Variants in FTO observed in about 807,000 individuals in gnomAD.
FTO encodes the protein FTO alpha-ketoglutarate dependent dioxygenase.
Under a neutral mutation model 63.9 loss-of-function variants are expected in FTO, and 47 were observed. The ratio of observed to expected loss-of-function variants is 0.74; its 90% CI spans 0.58 to 0.94. The LOEUF is 0.94. Ranked by LOEUF, FTO falls within the 40% of genes least tolerant of loss-of-function variation. The pLI, the probability that FTO is intolerant of heterozygous loss-of-function variation, is 0.00. For missense variants in FTO, 562 were observed against 618.1 expected (o/e 0.91, Z 0.96); for synonymous variants, 207 against 224.4 (o/e 0.92, Z 0.69).
At chr16:53,727,926 G>A (rs2076187162) in intron 1 of FTO, among the ~76,000 whole-genome samples, 2 of 152,122 alleles carry the variant, frequency 1.3e-5, no homozygotes, top group African/African-American at 4.8e-5. Context: ...TTTACATCCA[G>A]TGTTAGCAGG....
intron 4 of FTO, among the ~76,000 whole-genome samples, chr16:53,858,807 C>T (rs987681349): frequency 5.9e-5 from 9 of 151,924 alleles, no homozygotes; most frequent in African/African-American, 2.2e-4. Flanking sequence ...ACTATAGGCT[C>T]GTGCCACCAC....
chr16:53,991,318 A>T (rs2083805586), intron 8 of FTO: 1 of 152,246 alleles, frequency 6.6e-6, no homozygotes, highest in Non-Finnish European at 1.5e-5. Flanking sequence ...TTAATTGTTA[A>T]GCTGCTCTTG....
chr16:53,892,881 G>T (rs1159961415), intron 7 of FTO, among the ~76,000 whole-genome samples: 1 of 152,010 alleles, frequency 6.6e-6, no homozygotes, highest in Non-Finnish European at 1.5e-5. Flanking sequence ...CTTTGAAATC[G>T]CTTTTCTTCC....
intron 4 of FTO, among the ~76,000 whole-genome samples, chr16:53,846,124 G>A (rs34002716): frequency 0.01 from 1,522 of 152,186 alleles, 16 homozygotes; most frequent in Non-Finnish European, 0.015. Flanking sequence ...CAGAATGGGT[G>A]GCAGGCATCT....
At chr16:53,904,443 C>A (rs1314469757) in intron 7 of FTO, among the ~76,000 whole-genome samples, 3 of 152,180 alleles carry the variant, frequency 2.0e-5, no homozygotes, top group Admixed American at 2.0e-4. Context: ...ATGAGGAACA[C>A]CCATCTGTCC....
At chr16:53,875,467 G>A (rs920963380) in intron 5 of FTO, among the ~76,000 whole-genome samples, 16 of 152,148 alleles carry the variant, frequency 1.1e-4, no homozygotes, top group African/African-American at 3.9e-4. Context: ...ACAGTGACTG[G>A]TATACATTCA....
At chr16:53,796,181 A>G (rs185004749) in intron 1 of FTO, among the ~76,000 whole-genome samples, 1,758 of 151,672 alleles carry the variant, frequency 0.012, 20 homozygotes, top group Non-Finnish European at 0.02. Context: ...AGTAGCTGGG[A>G]TTACAGACAT....
chr16:53,802,609 G>C (rs2078256671), intron 1 of FTO, among the ~76,000 whole-genome samples: 1 of 152,038 alleles, frequency 6.6e-6, no homozygotes, highest in South Asian at 2.1e-4. Flanking sequence ...ATCAAATTTG[G>C]AAAATATTTG....
intron 8 of FTO, among the ~76,000 whole-genome samples, chr16:53,983,509 A>G (rs1457757425): frequency 6.6e-6 from 1 of 152,040 alleles, no homozygotes; most frequent in East Asian, 1.9e-4. Flanking sequence ...TGACTGTTGG[A>G]ATTGCTAAAC....
intron 3 of FTO, among the ~76,000 whole-genome samples, chr16:53,837,206 C>T (rs549072445): frequency 6.6e-6 from 1 of 152,168 alleles, no homozygotes. Flanking sequence ...TTCATACTTT[C>T]AATTTTTCTC....
chr16:53,827,932 A>G (rs1466339855), intron 3 of FTO, among the ~76,000 whole-genome samples: 1 of 152,232 alleles, frequency 6.6e-6, no homozygotes, highest in Non-Finnish European at 1.5e-5. Flanking sequence ...ATGTGATAGT[A>G]CAAAGCTCTA....
chr16:54,001,201 T>C (rs1357647044), intron 8 of FTO, among the ~76,000 whole-genome samples: 1 of 152,218 alleles, frequency 6.6e-6, no homozygotes, highest in Non-Finnish European at 1.5e-5. Context: ...AATTGCATTA[T>C]ACATATTTTT....
chr16:53,842,944 G>A (rs1317924376), intron 3 of FTO, among the ~76,000 whole-genome samples: 1 of 152,146 alleles, frequency 6.6e-6, no homozygotes, highest in Non-Finnish European at 1.5e-5. Flanking sequence ...CAAAGTGCTG[G>A]GATTAGAGGT....
intron 8 of FTO, among the ~76,000 whole-genome samples, chr16:53,941,450 CATTA>C (rs200622338): frequency 0.01 from 1,542 of 152,280 alleles, 9 homozygotes; most frequent in Non-Finnish European, 0.014. Flanking sequence ...AGTAACCTGA[CATTA>C]ATTATATATG....
intron 1 of FTO, among the ~76,000 whole-genome samples, chr16:53,784,629 A>G (rs1056934614): frequency 1.3e-5 from 2 of 152,264 alleles, no homozygotes; most frequent in Admixed American, 6.5e-5. Context: ...GTGATTTCAC[A>G]TTTGGGCTTT....
intron 8 of FTO, among the ~76,000 whole-genome samples, chr16:54,057,559 G>A (rs913709839): frequency 6.6e-6 from 1 of 152,080 alleles, no homozygotes; most frequent in Non-Finnish European, 1.5e-5. Context: ...TGCCACCCAG[G>A]TTCAAGTTAT....
chr16:53,723,051 G>A (rs909068923), intron 1 of FTO, among the ~76,000 whole-genome samples: 1 of 152,182 alleles, frequency 6.6e-6, no homozygotes, highest in Non-Finnish European at 1.5e-5. Context: ...TTACTTTAGT[G>A]TAACTGCTGC....
chr16:53,777,656 C>T (rs1247665668), intron 1 of FTO, among the ~76,000 whole-genome samples: 2 of 152,166 alleles, frequency 1.3e-5, no homozygotes, highest in South Asian at 2.1e-4. Flanking sequence ...AAAGGTCACA[C>T]TCATCAGTAT....
intron 1 of FTO, among the ~76,000 whole-genome samples, chr16:53,758,105 G>T (rs2076965108): frequency 6.6e-6 from 1 of 152,186 alleles, no homozygotes; most frequent in African/African-American, 2.4e-5. Context: ...TGCCAGATAG[G>T]TGTAAGATGA....
Sources: gnomAD v4.1 joint callset for allele counts (sites outside exome capture counted in the v4.1 genomes callset) on GRCh38, gnomAD v4.1.1 for gene constraint, MANE v1.5 for transcripts, NCBI Gene and HGNC (gene_info 2026-07-23, HGNC 2026-07-21) for gene names.